Variants in AUTS2 observed in about 807,000 individuals in gnomAD.
AUTS2 encodes activator of transcription and developmental regulator AUTS2, also known as autism susceptibility gene 2 protein.
A neutral mutation model predicts 112.4 loss-of-function variants in AUTS2; 17 were observed. That is an observed-to-expected ratio of 0.15 (90% CI 0.10 to 0.23). The LOEUF is 0.23. AUTS2 is among the 10% of genes least tolerant of loss of function. The probability of loss-of-function intolerance (pLI) is 1.00; values close to 1 mark genes in which losing one functional copy is unlikely to be tolerated. For synonymous variants in AUTS2, 751 were observed against 702.7 expected (o/e 1.07, Z -1.09); for missense variants, 1,510 against 1,701.6 (o/e 0.89, Z 1.98).
intron 2 of AUTS2, among the ~76,000 whole-genome samples, chr7:69,967,149 T>A (rs1014262574): frequency 6.6e-6 from 1 of 152,206 alleles, no homozygotes; most frequent in African/African-American, 2.4e-5. Context: ...TGATCTTGTT[T>A]TGGAGATCAT....
At chr7:70,778,681 T>G (rs1475702410) in intron 14 of AUTS2, among the ~76,000 whole-genome samples, 1 of 152,204 alleles carries the variant, frequency 6.6e-6, no homozygotes, top group Non-Finnish European at 1.5e-5. Context: ...ATACCTGCTC[T>G]TTCTTATAAC....
chr7:70,752,465 T>C (rs887466097), intron 6 of AUTS2, among the ~76,000 whole-genome samples: 10 of 152,210 alleles, frequency 6.6e-5, no homozygotes, highest in African/African-American at 2.2e-4. Context: ...GTTATAGATA[T>C]AAATGCCTTA....
chr7:69,791,533 A>G (rs1789607385), intron 1 of AUTS2, among the ~76,000 whole-genome samples: 2 of 152,210 alleles, frequency 1.3e-5, no homozygotes, highest in Admixed American at 1.3e-4. Flanking sequence ...GAAGGCTTCT[A>G]ATTTATGGCT....
At chr7:69,733,049 G>A (rs1017511033) in intron 1 of AUTS2, among the ~76,000 whole-genome samples, 1 of 152,162 alleles carries the variant, frequency 6.6e-6, no homozygotes, top group African/African-American at 2.4e-5. Flanking sequence ...TGCTAATCAT[G>A]TGGTGCATGG....
At chr7:70,659,560 T>G (rs1416006155) in intron 5 of AUTS2, among the ~76,000 whole-genome samples, 5 of 152,166 alleles carry the variant, frequency 3.3e-5, no homozygotes, top group African/African-American at 1.2e-4. Flanking sequence ...CACTGCAAGA[T>G]TCATTACACC....
chr7:70,680,564 A>G (rs146397436), intron 5 of AUTS2, among the ~76,000 whole-genome samples: 13 of 152,280 alleles, frequency 8.5e-5, no homozygotes, highest in African/African-American at 1.4e-4. Flanking sequence ...AATCATTTCC[A>G]TGCCTCCTCA....
intron 4 of AUTS2, among the ~76,000 whole-genome samples, chr7:70,319,307 G>A (rs1365644331): frequency 6.6e-6 from 1 of 152,150 alleles, no homozygotes; most frequent in African/African-American, 2.4e-5. Context: ...GTTGGGGGAT[G>A]CTGCCAAATG....
chr7:69,655,718 T>C (rs139152780), intron 1 of AUTS2, among the ~76,000 whole-genome samples: 2,392 of 152,148 alleles, frequency 0.016, 45 homozygotes, highest in Middle Eastern at 0.027. Context: ...AGATGTGATA[T>C]TGAGAATATA....
chr7:70,100,051 A>T (rs1804403906), intron 2 of AUTS2, among the ~76,000 whole-genome samples: 1 of 152,140 alleles, frequency 6.6e-6, no homozygotes, highest in South Asian at 2.1e-4. Context: ...CAGTTTTAGG[A>T]GGTATCAGCT....
chr7:70,131,125 C>CA (rs1184289610), intron 3 of AUTS2, among the ~76,000 whole-genome samples: 1 of 151,844 alleles, frequency 6.6e-6, no homozygotes, highest in Non-Finnish European at 1.5e-5. Flanking sequence ...AGTCTCCAAG[C>CA]AAAAAAATGG....
At chr7:70,062,385 C>T (rs1213071323) in intron 2 of AUTS2, among the ~76,000 whole-genome samples, 7 of 151,802 alleles carry the variant, frequency 4.6e-5, no homozygotes, top group East Asian at 2.0e-4. Flanking sequence ...TCGTGGCACA[C>T]GCCTGTAGTC....
chr7:69,783,593 A>G (rs998591940), intron 1 of AUTS2, among the ~76,000 whole-genome samples: 5 of 152,074 alleles, frequency 3.3e-5, no homozygotes, highest in African/African-American at 1.2e-4. Flanking sequence ...TGGGTATTCC[A>G]TGGCTATTAG....
rs531134329 is a variant in AUTS2, at chr7:70,138,454, C to A, written c.660+3883C>A. Among the ~76,000 whole-genome samples the A allele has an allele frequency of 3.3e-5, 5 of 152,292 alleles. No individual in the cohort carries two copies. In the South Asian group the frequency reaches 8.3e-4, roughly 25 times the overall value. On this transcript the variant is annotated intron_variant, in intron 4 of 18. Transcript: ENST00000342771. ...CTTGATTCCTGCTGTAAGGGAAGTA[C>A]AGCCTTACTTTTTTCCAAGTGACAT...
chr7:69,617,656 C>T (rs1259658230), intron 1 of AUTS2, among the ~76,000 whole-genome samples: 1 of 152,172 alleles, frequency 6.6e-6, no homozygotes, highest in Non-Finnish European at 1.5e-5. Context: ...TGAATTTCCC[C>T]AAGGTCACCC....
intron 4 of AUTS2, among the ~76,000 whole-genome samples, chr7:70,325,363 C>T (rs533134951): frequency 1.2e-3 from 190 of 152,204 alleles, no homozygotes; most frequent in African/African-American, 4.1e-3. Flanking sequence ...AAAGAAATTA[C>T]TTAAAATATT....
intron 1 of AUTS2, among the ~76,000 whole-genome samples, chr7:69,676,505 T>C (rs1353281579): frequency 6.6e-6 from 1 of 152,228 alleles, no homozygotes; most frequent in African/African-American, 2.4e-5. Flanking sequence ...CAGGTCTTGG[T>C]CTGGGGGAAG....
chr7:70,620,430 T>C (rs1180109830), intron 5 of AUTS2, among the ~76,000 whole-genome samples: 2 of 152,112 alleles, frequency 1.3e-5, no homozygotes, highest in South Asian at 2.1e-4. Context: ...GACCACATCT[T>C]ATGGGCATCG....
chr7:70,496,560 A>G (rs1222554953), intron 5 of AUTS2, among the ~76,000 whole-genome samples: 8 of 117,994 alleles, frequency 6.8e-5, no homozygotes, highest in East Asian at 2.8e-4. Context: ...AGACACACAC[A>G]CACACCCCAC....
At chr7:69,837,913 G>A (rs562764709) in intron 1 of AUTS2, among the ~76,000 whole-genome samples, 3 of 152,264 alleles carry the variant, frequency 2.0e-5, no homozygotes, top group South Asian at 2.1e-4. Flanking sequence ...TTTATGATGC[G>A]GATCTCTGTT....
Sources: gnomAD v4.1 joint callset for allele counts (sites outside exome capture counted in the v4.1 genomes callset) on GRCh38, gnomAD v4.1.1 for gene constraint, MANE v1.5 for transcripts, NCBI Gene and HGNC (gene_info 2026-07-23, HGNC 2026-07-21) for gene names.